The following ALCAM variants were observed in gnomAD, a reference collection of about 807,000 sequenced individuals.
ALCAM encodes the protein activated leukocyte cell adhesion molecule.
ALCAM carries 30 observed loss-of-function variants against 70.9 expected under a neutral mutation model. That is an observed-to-expected ratio of 0.42 (90% CI 0.32 to 0.57). ALCAM has a LOEUF of 0.57. Ranked by LOEUF, ALCAM falls within the 20% of genes least tolerant of loss-of-function variation. ALCAM has a pLI of 0.11. For synonymous variants in ALCAM, 249 were observed against 242.5 expected, an observed-to-expected ratio of 1.03 and a Z score of -0.25; for missense variants, 591 against 695.1, an observed-to-expected ratio of 0.85 and a Z score of 1.68.
intron 11 of ALCAM, among the ~76,000 whole-genome samples, chr3:105,548,370 G>C (rs1239040868): frequency 6.6e-6 from 1 of 151,174 alleles, no homozygotes; most frequent in Admixed American, 6.6e-5. Context: ...ATCTGTAAAG[G>C]CTTCTCAGGA....
At chr3:105,397,348 T>C (rs9865047) in intron 1 of ALCAM, among the ~76,000 whole-genome samples, 146,523 of 152,064 alleles carry the variant, frequency 0.96, 70,809 homozygotes, top group East Asian at 1. Context: ...TGAAGTAAAC[T>C]TAGTCAAAGT....
rs1194206949 is a variant in ALCAM at position 105,576,293 on chromosome 3, C to A, written c.*1842C>A. 1 of 152,454 alleles carries A rather than the reference C, an allele frequency of 6.6e-6. No homozygotes were observed. Among genetic ancestry groups the A allele is most frequent in the Non-Finnish European group, 1.5e-5 (1 of 67,984 alleles). The allele number at this position is 152,454 out of a possible 1,614,324, so 9.4% of individuals were successfully genotyped here. On this transcript the variant is annotated 3_prime_UTR_variant, in exon 16 of 16. Coordinates refer to ENST00000306107, the MANE Select transcript of ALCAM (RefSeq NM_001627.4). The stretch of plus-strand genomic sequence containing the variant: ...GTTATCTCTGTAAATACTGTGATTT[C>A]TTTTTTATTTTCTCTTTAGAATTTT...
At chr3:105,384,731 G>T (rs1026112801) in intron 1 of ALCAM, among the ~76,000 whole-genome samples, 7 of 151,432 alleles carry the variant, frequency 4.6e-5, no homozygotes, top group Admixed American at 2.0e-4. Flanking sequence ...CTTTACGAAA[G>T]AATGGCTAAT....
chr3:105,500,280 C>T (rs1029424122), intron 1 of ALCAM, among the ~76,000 whole-genome samples: 1 of 151,988 alleles, frequency 6.6e-6, no homozygotes, highest in Non-Finnish European at 1.5e-5. Context: ...TTCTTCCTTC[C>T]TCTTTTCTCA....
intron 1 of ALCAM, among the ~76,000 whole-genome samples, chr3:105,368,834 A>G (rs1343363726): frequency 1.3e-5 from 2 of 151,952 alleles, no homozygotes; most frequent in Non-Finnish European, 2.9e-5. Context: ...TAATGAGCTC[A>G]CCTGATGTTT....
chr3:105,562,482 A>C (rs944770486), intron 14 of ALCAM, among the ~76,000 whole-genome samples: 7 of 152,176 alleles, frequency 4.6e-5, no homozygotes, highest in Admixed American at 3.9e-4. Flanking sequence ...CTTGAAATAC[A>C]TCTTAGTCTA....
At chr3:105,392,153 C>A (rs1935838835) in intron 1 of ALCAM, among the ~76,000 whole-genome samples, 1 of 151,924 alleles carries the variant, frequency 6.6e-6, no homozygotes, top group African/African-American at 2.4e-5. Context: ...GGTATCAGCT[C>A]CTCTTTGTAC....
chr3:105,468,971 C>G (rs544868754), intron 1 of ALCAM, among the ~76,000 whole-genome samples: 1 of 149,762 alleles, frequency 6.7e-6, no homozygotes, highest in African/African-American at 2.4e-5. Context: ...ATAATTCAAG[C>G]ATTTGGGTTT....
chr3:105,550,502 A>G (rs538364690), intron 12 of ALCAM, among the ~76,000 whole-genome samples: 1 of 151,662 alleles, frequency 6.6e-6, no homozygotes, highest in East Asian at 1.9e-4. Context: ...CTGTACAGGA[A>G]TAGTTCCCAA....
chr3:105,477,702 G>A (rs774096697), intron 1 of ALCAM, among the ~76,000 whole-genome samples: 1 of 151,884 alleles, frequency 6.6e-6, no homozygotes, highest in Non-Finnish European at 1.5e-5. Flanking sequence ...TCTCATTCTT[G>A]CATTGAAGAC....
At chr3:105,572,092 T>G in intron 15 of ALCAM, 128 bp downstream of exon 15, 1 of 573,784 alleles carries the variant, frequency 1.7e-6, no homozygotes, top group Non-Finnish European at 3.1e-6. Context: ...AGGGGTTTTT[T>G]TTCTTTTTAT....
At chr3:105,429,603 G>A (rs1936876918) in intron 1 of ALCAM, among the ~76,000 whole-genome samples, 3 of 152,038 alleles carry the variant, frequency 2.0e-5, no homozygotes, top group Middle Eastern at 3.4e-3. Flanking sequence ...GTATCCCTGT[G>A]ACCCTACCTT....
chr3:105,548,320 T>A (rs1026943484), intron 11 of ALCAM, among the ~76,000 whole-genome samples: 3 of 151,368 alleles, frequency 2.0e-5, no homozygotes, highest in Non-Finnish European at 4.4e-5. Flanking sequence ...AATTCCATTG[T>A]TCTCTACAAC....
chr3:105,439,161 T>C (rs1433633542), intron 1 of ALCAM, among the ~76,000 whole-genome samples: 2 of 152,168 alleles, frequency 1.3e-5, no homozygotes, highest in Admixed American at 6.5e-5. Context: ...GGATTAATGA[T>C]ACAGGATTTG....
At chr3:105,423,399 T>C (rs1158687391) in intron 1 of ALCAM, among the ~76,000 whole-genome samples, 1 of 151,016 alleles carries the variant, frequency 6.6e-6, no homozygotes, top group Admixed American at 6.6e-5. Context: ...TTAGGCTTAA[T>C]CAGTTATCCT....
chr3:105,413,164 T>C (rs9288803), intron 1 of ALCAM, among the ~76,000 whole-genome samples: 66,968 of 151,910 alleles, frequency 0.44, 15,183 homozygotes, highest in East Asian at 0.65. Flanking sequence ...TCTTCGACTG[T>C]AAAATGTGAA....
chr3:105,385,105 G>A (rs993204101), intron 1 of ALCAM, among the ~76,000 whole-genome samples: 1 of 151,442 alleles, frequency 6.6e-6, no homozygotes, highest in Admixed American at 6.6e-5. Context: ...TAGGCTTCAC[G>A]TTCTTGATGT....
At chr3:105,394,715 A>G (rs952552290) in intron 1 of ALCAM, among the ~76,000 whole-genome samples, 1 of 151,930 alleles carries the variant, frequency 6.6e-6, no homozygotes, top group African/African-American at 2.4e-5. Context: ...TTCTCCTGCA[A>G]TCTATAGATT....
intron 3 of ALCAM, among the ~76,000 whole-genome samples, chr3:105,526,286 T>TA (rs71700885): frequency 2.9e-3 from 386 of 134,954 alleles, no homozygotes; most frequent in South Asian, 9.2e-3. Context: ...AAACATTTTG[T>TA]AAAAAAAAAA....
Sources: allele counts gnomAD v4.1 joint callset (sites outside exome capture counted in the v4.1 genomes callset), GRCh38; gene constraint gnomAD v4.1.1; transcripts MANE v1.5; gene names NCBI Gene and HGNC (gene_info 2026-07-23, HGNC 2026-07-21).